Variants in BORCS5 observed in about 807,000 individuals in gnomAD.
The protein encoded by BORCS5 is BLOC-1-related complex subunit 5.
BORCS5 carries 17 observed loss-of-function variants against 22.1 expected under a neutral mutation model. That is an observed-to-expected ratio of 0.77 (90% CI 0.53 to 1.15). BORCS5 has a LOEUF of 1.15. Among genes scored for constraint, BORCS5 ranks in the 50% most tolerant of loss-of-function variants. The probability of loss-of-function intolerance (pLI) is 0.00; values close to 1 mark genes in which losing one functional copy is unlikely to be tolerated. For missense variants in BORCS5, 247 were observed against 253.2 expected (o/e 0.98, Z 0.17); for synonymous variants, 117 against 99.8 (o/e 1.17, Z -1.03).
intron 2 of BORCS5, among the ~76,000 whole-genome samples, chr12:12,389,495 C>G (rs1565857484): frequency 1.4e-5 from 2 of 142,580 alleles, no homozygotes; most frequent in Non-Finnish European, 3.2e-5. Flanking sequence ...ATACCTCTGC[C>G]AGTATCTTTT....
chr12:12,442,422 G>A (rs1394716688), intron 3 of BORCS5, among the ~76,000 whole-genome samples: 1 of 152,124 alleles, frequency 6.6e-6, no homozygotes, highest in African/African-American at 2.4e-5. Context: ...GGCCTTGAGA[G>A]TACATTCATG....
chr12:12,415,047 C>A (rs541775898), intron 2 of BORCS5, among the ~76,000 whole-genome samples: 1 of 145,892 alleles, frequency 6.9e-6, no homozygotes, highest in Admixed American at 6.9e-5. Context: ...CGGGCGGAGA[C>A]GCTCCTCACT....
chr12:12,418,602 G>A (rs2136100794), intron 2 of BORCS5, among the ~76,000 whole-genome samples: 1 of 152,290 alleles, frequency 6.6e-6, no homozygotes, highest in Middle Eastern at 3.4e-3. Flanking sequence ...CAGGAGGATT[G>A]TTTGAGCCCA....
intron 3 of BORCS5, among the ~76,000 whole-genome samples, chr12:12,439,102 C>G (rs944507109): frequency 6.6e-6 from 1 of 152,208 alleles, no homozygotes; most frequent in Non-Finnish European, 1.5e-5. Context: ...AGTTATAATG[C>G]TGTTATACCT....
Position 12,466,043 on chromosome 12 carries a change from T to C in BORCS5, c.*267T>C, listed in dbSNP as rs1398265214. The C allele has an allele frequency of 2.4e-6, 1 of 418,984 alleles. No individual in the cohort carries two copies. Among genetic ancestry groups the C allele is most frequent in the Non-Finnish European group, 4.2e-6 (1 of 237,518 alleles). 26.0% of individuals were successfully genotyped at this position (418,984 alleles called of 1,614,324 possible). On this transcript the variant is annotated 3_prime_UTR_variant, in exon 4 of 4. Coordinates refer to ENST00000314565, the MANE Select transcript of BORCS5 (RefSeq NM_058169.6). ...TTATTAGGAATTCTTTGAAGAACTCTGCATTGAGAATTATTTTTATTTAGT... is the reference window on the plus strand; with the variant it reads ...TTATTAGGAATTCTTTGAAGAACTCCGCATTGAGAATTATTTTTATTTAGT...
chr12:12,360,130 GA>G, intron 1 of BORCS5, among the ~76,000 whole-genome samples: 1 of 152,110 alleles, frequency 6.6e-6, no homozygotes, highest in Non-Finnish European at 1.5e-5. Context: ...TTGGGAGGCC[GA>G]GGTGGGTGGA....
At chr12:12,361,862 AGAGT>A (rs566146683) in intron 2 of BORCS5, among the ~76,000 whole-genome samples, 305 of 152,348 alleles carry the variant, frequency 2.0e-3, no homozygotes, top group African/African-American at 7.0e-3. Flanking sequence ...GTTTTATATG[AGAGT>A]GTGTGTTTGA....
intron 2 of BORCS5, among the ~76,000 whole-genome samples, chr12:12,421,410 G>A (rs1468818938): frequency 1.3e-5 from 2 of 152,118 alleles, no homozygotes; most frequent in East Asian, 1.9e-4. Context: ...CGACTTGATC[G>A]TGGTAGGTAA....
At chr12:12,455,990 T>C (rs566404022) in intron 3 of BORCS5, among the ~76,000 whole-genome samples, 1 of 152,366 alleles carries the variant, frequency 6.6e-6, no homozygotes, top group East Asian at 1.9e-4. Context: ...TTCATGCATA[T>C]CTACATCTTA....
At chr12:12,399,939 A>G (rs768643209) in intron 2 of BORCS5, among the ~76,000 whole-genome samples, 3 of 152,246 alleles carry the variant, frequency 2.0e-5, no homozygotes, top group Non-Finnish European at 4.4e-5. Flanking sequence ...TTTATTGGAA[A>G]AGCTAAGCAT....
At chr12:12,438,371 A>AAAAAAAAAAAAAAAAAAAAAAC (rs1565915549) in intron 3 of BORCS5, among the ~76,000 whole-genome samples, 4 of 117,076 alleles carry the variant, frequency 3.4e-5, no homozygotes, top group African/African-American at 1.3e-4. Flanking sequence ...AAAAAAAAAA[A>AAAAAAAAAAAAAAAAAAAAAAC]AAAAAAAAAC....
intron 3 of BORCS5, among the ~76,000 whole-genome samples, chr12:12,439,678 A>G (rs1171857007): frequency 1.3e-5 from 2 of 152,214 alleles, no homozygotes; most frequent in East Asian, 3.8e-4. Flanking sequence ...TTCACTTTGA[A>G]TAGTCAGTAA....
intron 3 of BORCS5, among the ~76,000 whole-genome samples, chr12:12,448,458 G>A (rs1365879790): frequency 1.3e-5 from 2 of 151,054 alleles, no homozygotes; most frequent in African/African-American, 4.9e-5. Flanking sequence ...CAGTTGATCT[G>A]CCCGCCTTGG....
At chr12:12,404,856 A>C (rs1006846159) in intron 2 of BORCS5, among the ~76,000 whole-genome samples, 10 of 152,104 alleles carry the variant, frequency 6.6e-5, no homozygotes, top group Admixed American at 2.6e-4. Flanking sequence ...CCGCCACCAC[A>C]CCTGGCTAAT....
At chr12:12,367,540 A>C (rs542465714) in intron 2 of BORCS5, among the ~76,000 whole-genome samples, 58 of 152,362 alleles carry the variant, frequency 3.8e-4, no homozygotes, top group Admixed American at 5.2e-4. Flanking sequence ...GCTTTTAAAC[A>C]TGGCTATTCA....
intron 2 of BORCS5, among the ~76,000 whole-genome samples, chr12:12,397,345 A>G (rs550713966): frequency 1.7e-4 from 26 of 152,304 alleles, no homozygotes; most frequent in Non-Finnish European, 3.4e-4. Context: ...GTTGTTACAC[A>G]GTTTTTTGTA....
chr12:12,416,751 G>A (rs902198333), intron 2 of BORCS5, among the ~76,000 whole-genome samples: 5 of 150,202 alleles, frequency 3.3e-5, no homozygotes, highest in Admixed American at 6.6e-5. Flanking sequence ...TTGAGTCACC[G>A]CACCCAACTC....
In BORCS5 at chr12:12,442,405, G is replaced by T. The variant is rs149536660; in HGVS notation, c.360+6620G>T. Among the ~76,000 whole-genome samples the T allele has an allele frequency of 3.7e-3, 568 of 152,302 alleles. 5 individuals are homozygous for T. The highest frequency in any genetic ancestry group is 5.7e-3 in the Non-Finnish European group (385 of 68,028). On this transcript the variant is annotated intron_variant, in intron 3 of 3. Transcript: ENST00000314565. Reference sequence around the variant, plus strand: ...ATTTTGTTACAGTTCCTGTGTGCTTGCTTGAAGGCCTTGAGAGTACATTCA... The same window carrying T: ...ATTTTGTTACAGTTCCTGTGTGCTTTCTTGAAGGCCTTGAGAGTACATTCA...
intron 3 of BORCS5, among the ~76,000 whole-genome samples, chr12:12,452,956 G>C (rs1354168809): frequency 6.6e-6 from 1 of 152,160 alleles, no homozygotes; most frequent in East Asian, 1.9e-4. Flanking sequence ...GCTAGAACGT[G>C]CCATATCTTG....
Sources: gnomAD v4.1 joint callset for allele counts (sites outside exome capture counted in the v4.1 genomes callset) on GRCh38, gnomAD v4.1.1 for gene constraint, MANE v1.5 for transcripts, NCBI Gene and HGNC (gene_info 2026-07-23, HGNC 2026-07-21) for gene names.